PRKG1: variants seen among roughly 807,000 people sequenced by gnomAD.
PRKG1 encodes protein kinase cGMP-dependent 1.
A neutral mutation model predicts 88.1 loss-of-function variants in PRKG1; 35 were observed. That is an observed-to-expected ratio of 0.40 (90% CI 0.30 to 0.53). The LOEUF is 0.53. Among genes scored for constraint, PRKG1 ranks in the 20% least tolerant of loss-of-function variants. The pLI is 0.59. For missense variants in PRKG1, 540 were observed against 839.8 expected (o/e 0.64, Z 4.41); for synonymous variants, 303 against 292.5 (o/e 1.04, Z -0.37).
intron 1 of PRKG1, among the ~76,000 whole-genome samples, chr10:51,026,690 G>A (rs1843211221): frequency 6.6e-6 from 1 of 152,046 alleles, no homozygotes; most frequent in African/African-American, 2.4e-5. Context: ...GATAACTTCA[G>A]GATACTAAAT....
intron 8 of PRKG1, among the ~76,000 whole-genome samples, chr10:52,144,926 A>G (rs1837690880): frequency 6.6e-6 from 1 of 152,202 alleles, no homozygotes; most frequent in African/African-American, 2.4e-5. Flanking sequence ...GGAGACTTGG[A>G]TGTATTTAAT....
chr10:51,379,213 C>T (rs1055483159), intron 2 of PRKG1, among the ~76,000 whole-genome samples: 5 of 152,064 alleles, frequency 3.3e-5, no homozygotes, highest in African/African-American at 9.7e-5. Flanking sequence ...TACCACATAC[C>T]TTGTGATGTC....
At chr10:51,469,023 T>C (rs1318602070) in intron 3 of PRKG1, among the ~76,000 whole-genome samples, 1 of 151,808 alleles carries the variant, frequency 6.6e-6, no homozygotes, top group African/African-American at 2.4e-5. Flanking sequence ...TCTGAAAGCA[T>C]AGGACTCTTT....
intron 2 of PRKG1, among the ~76,000 whole-genome samples, chr10:51,243,830 T>C (rs1025239008): frequency 6.6e-6 from 1 of 152,182 alleles, no homozygotes. Context: ...AACGGAACAA[T>C]TACATTTGCA....
intron 9 of PRKG1, chr10:52,230,884 A>G (rs1473825832): frequency 6.6e-6 from 1 of 152,232 alleles, no homozygotes. Context: ...AATGTTGACC[A>G]GGCATCATCC....
intron 9 of PRKG1, among the ~76,000 whole-genome samples, chr10:52,205,655 C>A (rs916455572): frequency 6.6e-6 from 1 of 152,154 alleles, no homozygotes; most frequent in African/African-American, 2.4e-5. Context: ...GATTTTATTT[C>A]TCCTTCTTTT....
chr10:51,839,736 T>C (rs1351138651), intron 4 of PRKG1, among the ~76,000 whole-genome samples: 2 of 152,174 alleles, frequency 1.3e-5, no homozygotes, highest in Non-Finnish European at 2.9e-5. Flanking sequence ...TGCCTTCCTA[T>C]GGAGGTCGTT....
chr10:51,372,127 A>T (rs2132610410), intron 2 of PRKG1, among the ~76,000 whole-genome samples: 1 of 152,280 alleles, frequency 6.6e-6, no homozygotes, highest in African/African-American at 2.4e-5. Flanking sequence ...CATGTTGGTT[A>T]TGGCCTCTGT....
intron 9 of PRKG1, among the ~76,000 whole-genome samples, chr10:52,174,940 A>T (rs1838822248): frequency 6.6e-6 from 1 of 152,018 alleles, no homozygotes; most frequent in Non-Finnish European, 1.5e-5. Flanking sequence ...ATGTATAGTG[A>T]TCTGATCAGG....
intron 7 of PRKG1, among the ~76,000 whole-genome samples, chr10:52,078,180 G>A (rs539480779): frequency 1.1e-4 from 17 of 152,128 alleles, no homozygotes; most frequent in Non-Finnish European, 1.9e-4. Flanking sequence ...TTAGAAACAT[G>A]GATTTGCTAA....
intron 5 of PRKG1, among the ~76,000 whole-genome samples, chr10:51,975,063 A>T (rs577837806): frequency 1.3e-5 from 2 of 152,226 alleles, no homozygotes; most frequent in South Asian, 4.1e-4. Flanking sequence ...AGGAAGACTG[A>T]TGTATTTATA....
intron 4 of PRKG1, among the ~76,000 whole-genome samples, chr10:51,836,015 C>T (rs1840122335): frequency 6.6e-6 from 1 of 151,958 alleles, no homozygotes; most frequent in African/African-American, 2.4e-5. Context: ...GTAACTGTTG[C>T]CACTTGTATA....
At chr10:51,120,200 A>C (rs2131913814) in intron 1 of PRKG1, among the ~76,000 whole-genome samples, 1 of 152,262 alleles carries the variant, frequency 6.6e-6, no homozygotes, top group South Asian at 2.1e-4. Context: ...TATAAATAAC[A>C]AAGTGTGCTC....
At chr10:51,392,765 CCA>C (rs1291396273) in intron 2 of PRKG1, among the ~76,000 whole-genome samples, 34 of 134,128 alleles carry the variant, frequency 2.5e-4, no homozygotes, top group South Asian at 2.2e-3. Flanking sequence ...GGGGGGCTGA[CCA>C]CCCCCACCTC....
chr10:51,490,774 T>C lies in PRKG1; in HGVS notation c.592+22938T>C, dbSNP rs201821843. 1.1e-4 allele frequency among the ~76,000 whole-genome samples: 16 copies of C among 152,222 alleles called. No individual in the cohort carries two copies. The East Asian group carries it at 2.7e-3, about 26-fold the overall frequency. Reference sequence around the variant, plus strand: ...TTCTTGGTGTGAATATAAGGTGATATAGTTTTTCAGGAAAGCAACCGGGCT... The same window carrying C: ...TTCTTGGTGTGAATATAAGGTGATACAGTTTTTCAGGAAAGCAACCGGGCT... On this transcript the variant is annotated intron_variant, in intron 3 of 17. Coordinates refer to ENST00000373980, the MANE Select transcript of PRKG1 (RefSeq NM_006258.4).
At chr10:51,842,228 C>G (rs529768887) in intron 4 of PRKG1, among the ~76,000 whole-genome samples, 1 of 152,164 alleles carries the variant, frequency 6.6e-6, no homozygotes, top group Non-Finnish European at 1.5e-5. Context: ...CATTGCATAT[C>G]ATTATTCTGG....
intron 4 of PRKG1, among the ~76,000 whole-genome samples, chr10:51,849,404 C>T (rs1469024311): frequency 6.6e-6 from 1 of 151,822 alleles, no homozygotes; most frequent in African/African-American, 2.4e-5. Context: ...TGGATTTTTC[C>T]TCCTCCTTTC....
At chr10:52,243,186 C>T (rs1345940482) in intron 9 of PRKG1, among the ~76,000 whole-genome samples, 1 of 152,080 alleles carries the variant, frequency 6.6e-6, no homozygotes, top group Non-Finnish European at 1.5e-5. Context: ...GGCAAGAACA[C>T]GTAAGTGCTT....
chr10:51,250,760 T>C (rs1354371100), intron 2 of PRKG1, among the ~76,000 whole-genome samples: 1 of 151,740 alleles, frequency 6.6e-6, no homozygotes, highest in African/African-American at 2.4e-5. Context: ...TGACAGGCCA[T>C]GCAAACCCCT....
Sources: gnomAD v4.1 joint callset for allele counts (sites outside exome capture counted in the v4.1 genomes callset) on GRCh38, gnomAD v4.1.1 for gene constraint, MANE v1.5 for transcripts, NCBI Gene and HGNC (gene_info 2026-07-23, HGNC 2026-07-21) for gene names.